Variants in CCR3 observed in about 807,000 individuals in gnomAD.
CCR3 encodes C-C motif chemokine receptor 3.
For missense variants in CCR3, 419 were observed against 437.5 expected (o/e 0.96, Z 0.38); for synonymous variants, 203 against 179.2 (o/e 1.13, Z -1.06).
At chr3:46,242,963 G>GTGTATATATATATATACACA (rs1553644056) in intron 1 of CCR3, among the ~76,000 whole-genome samples, 1 of 86,298 alleles carries the variant, frequency 1.2e-5, no homozygotes, top group African/African-American at 4.7e-5. Context: ...ATATATATGT[G>GTGTATATATATATATACACA]TATATATATA....
At chr3:46,230,909 CGTTTTTTGTTTGTTTT>C (rs1699957052) in intron 2 of CCR3, among the ~76,000 whole-genome samples, 1 of 151,960 alleles carries the variant, frequency 6.6e-6, no homozygotes, top group Non-Finnish European at 1.5e-5. Context: ...GATTTTGATC[CGTTTTTTGTTTGTTTT>C]GTTTTTTGTT....
chr3:46,249,022 A>G (rs1359571709), intron 1 of CCR3, among the ~76,000 whole-genome samples: 1 of 152,164 alleles, frequency 6.6e-6, no homozygotes, highest in Non-Finnish European at 1.5e-5. Flanking sequence ...ACAGGCTTTA[A>G]TCCTTTTAAA....
At chr3:46,219,557 G>A (rs1329544428) in intron 2 of CCR3, among the ~76,000 whole-genome samples, 2 of 152,140 alleles carry the variant, frequency 1.3e-5, no homozygotes, top group African/African-American at 2.4e-5. Context: ...CAAATCTGGA[G>A]GCCTCATATT....
chr3:46,254,463 T>G (rs983552661), intron 1 of CCR3, among the ~76,000 whole-genome samples: 1 of 148,180 alleles, frequency 6.7e-6, no homozygotes, highest in African/African-American at 2.5e-5. Flanking sequence ...GAAGTATTTT[T>G]CCCCCCTGGG....
chr3:46,213,271 G>A (rs1036552739), intron 2 of CCR3, among the ~76,000 whole-genome samples: 6 of 152,222 alleles, frequency 3.9e-5, no homozygotes, highest in African/African-American at 1.4e-4. Context: ...GCTGTCAACT[G>A]TCAATTCACC....
chr3:46,220,665 C>G (rs1045726793), intron 2 of CCR3, among the ~76,000 whole-genome samples: 7 of 152,314 alleles, frequency 4.6e-5, no homozygotes, highest in Admixed American at 2.6e-4. Context: ...TGGAATTCTA[C>G]TCAGCCACAA....
chr3:46,265,642 G>T lies in CCR3; in HGVS notation c.484G>T (p.Val162Leu). Residue 162 changes from valine to leucine, a missense_variant, in exon 2 of 2, where the codon GTG becomes TTG. Val to Leu is a conservative substitution (Grantham distance 32). Transcript: ENST00000395940. ...ITSIVTWGLA[V>L]LAALPEFIFY... The stretch of plus-strand genomic sequence containing the variant: ...CAGCATCGTCACCTGGGGCCTGGCA[G>T]TGCTAGCAGCTCTTCCTGAATTTAT... 1 of 1,614,134 alleles carries T rather than the reference G, an allele frequency of 6.2e-7. No individual in the cohort carries two copies. The highest frequency in any genetic ancestry group is 8.5e-7 in the Non-Finnish European group (1 of 1,179,994).
chr3:46,234,044 G>C (rs1325149303), intron 2 of CCR3, among the ~76,000 whole-genome samples: 1 of 152,254 alleles, frequency 6.6e-6, no homozygotes, highest in African/African-American at 2.4e-5. Flanking sequence ...ACAGGGGGCA[G>C]TATGCCCTTG....
intron 2 of CCR3, among the ~76,000 whole-genome samples, chr3:46,212,955 C>T (rs1699734236): frequency 1.3e-5 from 2 of 152,290 alleles, no homozygotes; most frequent in Admixed American, 1.3e-4. Context: ...TCATTGTATA[C>T]ATTGGGTACT....
intron 1 of CCR3, among the ~76,000 whole-genome samples, chr3:46,261,858 G>T (rs1700531018): frequency 6.6e-6 from 1 of 152,220 alleles, no homozygotes; most frequent in African/African-American, 2.4e-5. Flanking sequence ...GGCCCTGGTG[G>T]AGGCGTAGTG....
At chr3:46,255,173 G>A (rs887095818) in intron 1 of CCR3, among the ~76,000 whole-genome samples, 14 of 151,842 alleles carry the variant, frequency 9.2e-5, no homozygotes, top group Non-Finnish European at 1.8e-4. Flanking sequence ...TCATATGTTC[G>A]TTGGCTATTT....
intron 1 of CCR3, among the ~76,000 whole-genome samples, chr3:46,261,702 G>C (rs1700528098): frequency 2.0e-5 from 3 of 152,312 alleles, no homozygotes; most frequent in African/African-American, 7.2e-5. Context: ...CAGTTAAGTT[G>C]GTGGTCAGGC....
rs1007316550 is a variant in CCR3, at chr3:46,266,657, C to A, written c.*431C>A. 5.8e-6 allele frequency: 1 copy of A among 171,216 alleles called. No homozygotes were observed. The highest frequency in any genetic ancestry group is 2.4e-5 in the African/African-American group (1 of 41,612). 10.6% of individuals were successfully genotyped at this position (171,216 alleles called of 1,614,324 possible). A position where few individuals can be genotyped will look rare whatever the true frequency, so the allele number is the denominator to read the frequency against. ...TCTAATGTGCCTAGTTCTTTCCCTGCTTAATGAAAAGCTTGTTTTTTCAGT... is the reference window on the plus strand; with the variant it reads ...TCTAATGTGCCTAGTTCTTTCCCTGATTAATGAAAAGCTTGTTTTTTCAGT... On this transcript the variant is annotated 3_prime_UTR_variant, in exon 2 of 2. Coordinates refer to ENST00000395940, the MANE Select transcript of CCR3 (RefSeq NM_178329.3).
chr3:46,257,758 T>C lies in CCR3; in HGVS notation c.-11-7390T>C, dbSNP rs1462370977. 3.3e-5 allele frequency among the ~76,000 whole-genome samples: 5 copies of C among 152,244 alleles called. 1 individual carries two copies. The Middle Eastern group carries it at 0.01, about 311-fold the overall frequency. ...TTTATTAGGATAATTGGCTCACAATTAAGGCGGCTAAGAAGTCCCACAACA... is the reference window on the plus strand; with the variant it reads ...TTTATTAGGATAATTGGCTCACAATCAAGGCGGCTAAGAAGTCCCACAACA... On this transcript the variant is annotated intron_variant, in intron 1 of 1. Coordinates refer to ENST00000395940, the MANE Select transcript of CCR3 (RefSeq NM_178329.3).
intron 1 of CCR3, among the ~76,000 whole-genome samples, chr3:46,251,505 G>A (rs993916956): frequency 6.6e-6 from 1 of 152,120 alleles, no homozygotes; most frequent in African/African-American, 2.4e-5. Context: ...TCGGTCTGAG[G>A]ACCTGAGGTC....
At chr3:46,247,535 C>T (rs928375241) in intron 1 of CCR3, among the ~76,000 whole-genome samples, 4 of 152,100 alleles carry the variant, frequency 2.6e-5, no homozygotes, top group Admixed American at 2.6e-4. Flanking sequence ...TTCTTGAAGA[C>T]AGAGGACTAT....
intron 1 of CCR3, among the ~76,000 whole-genome samples, chr3:46,261,897 C>T (rs1700531570): frequency 6.6e-6 from 1 of 152,158 alleles, no homozygotes; most frequent in African/African-American, 2.4e-5. Flanking sequence ...CATTCCAGCC[C>T]AAGGAAGACT....
Position 46,246,869 on chromosome 3 carries a change from G to A in CCR3, c.-12+4331G>A, listed in dbSNP as rs572771043. ...TCAAGCGGGATTAGGGGCGGCGTGG[G>A]AACCTAGAGTGGGAGAGATTAAGCT... is the stretch of plus-strand genomic sequence containing the variant. On this transcript the variant is annotated intron_variant, in intron 1 of 1. Coordinates refer to ENST00000395940, the MANE Select transcript of CCR3 (RefSeq NM_178329.3). Among the ~76,000 whole-genome samples the A allele has an allele frequency of 1.4e-3, 213 of 152,226 alleles. 1 individual carries two copies. The highest frequency in any genetic ancestry group is 4.8e-3 in the African/African-American group (200 of 41,508).
At chr3:46,235,445 C>T (rs565229360) in intron 2 of CCR3, among the ~76,000 whole-genome samples, 2 of 152,340 alleles carry the variant, frequency 1.3e-5, no homozygotes, top group African/African-American at 4.8e-5. Context: ...ACCCAATTCT[C>T]ACATCCCTGC....
Sources: allele counts gnomAD v4.1 joint callset (sites outside exome capture counted in the v4.1 genomes callset), GRCh38; gene constraint gnomAD v4.1.1; transcripts MANE v1.5; gene names NCBI Gene and HGNC (gene_info 2026-07-23, HGNC 2026-07-21).